The following TANC2 variants were observed in gnomAD, a reference collection of about 807,000 sequenced individuals.
TANC2 encodes protein TANC2.
Under a neutral mutation model 210.5 loss-of-function variants are expected in TANC2, and 26 were observed. The ratio of observed to expected loss-of-function variants is 0.12; its 90% CI spans 0.09 to 0.17. The LOEUF is 0.17. TANC2 is among the 10% of genes least tolerant of loss of function. TANC2 has a pLI of 1.00. For missense variants in TANC2, 2,129 were observed against 2,608.9 expected, an observed-to-expected ratio of 0.82 and a Z score of 4.01; for synonymous variants, 931 against 967.1, an observed-to-expected ratio of 0.96 and a Z score of 0.69.
chr17:63,351,201 C>CATTT (rs1194433607), intron 12 of TANC2, 49 bp from the exon 13 acceptor site: 1 of 1,491,584 alleles, frequency 6.7e-7, no homozygotes, highest in Admixed American at 2.1e-5. Flanking sequence ...AGTAAGAACT[C>CATTT]ATTTATCCAC....
intron 9 of TANC2, among the ~76,000 whole-genome samples, chr17:63,281,435 A>G (rs183521043): frequency 8.5e-5 from 13 of 152,254 alleles, no homozygotes; most frequent in African/African-American, 2.4e-4. Flanking sequence ...CCATATATGT[A>G]TAGAAGAAAT....
intron 9 of TANC2, among the ~76,000 whole-genome samples, chr17:63,275,745 A>G (rs546058892): frequency 6.6e-6 from 1 of 152,144 alleles, no homozygotes; most frequent in Non-Finnish European, 1.5e-5. Flanking sequence ...TCCTATAGTA[A>G]ATATTATATG....
intron 1 of TANC2, among the ~76,000 whole-genome samples, chr17:62,988,317 T>TA (rs2032681108): frequency 6.7e-6 from 1 of 149,944 alleles, no homozygotes; most frequent in African/African-American, 2.5e-5. Flanking sequence ...TTTTTTTTTT[T>TA]AGTAGAGATG....
chr17:63,277,219 T>C (rs1266698724), intron 9 of TANC2, among the ~76,000 whole-genome samples: 1 of 151,618 alleles, frequency 6.6e-6, no homozygotes, highest in Admixed American at 6.6e-5. Context: ...CTTTCCATAT[T>C]CTCCATTCTC....
exon 18 of TANC2, chr17:63,395,780 T>C (rs2048137672): frequency 6.2e-7 from 1 of 1,613,518 alleles, no homozygotes; most frequent in Non-Finnish European, 8.5e-7. Context: ...TGTGCTTTGG[T>C]TCATGCTGCA....
intron 9 of TANC2, among the ~76,000 whole-genome samples, chr17:63,289,862 A>G (rs997066982): frequency 6.6e-6 from 1 of 152,156 alleles, no homozygotes; most frequent in Admixed American, 6.5e-5. Context: ...TCTGTAGTTC[A>G]GTAAGTAGGT....
chr17:63,175,635 G>C (rs2040554251), intron 5 of TANC2, among the ~76,000 whole-genome samples: 1 of 151,172 alleles, frequency 6.6e-6, no homozygotes, highest in African/African-American at 2.4e-5. Context: ...TAGGACATGA[G>C]AAATGTGAGT....
intron 4 of TANC2, among the ~76,000 whole-genome samples, chr17:63,131,623 G>A (rs994089976): frequency 6.6e-6 from 1 of 151,426 alleles, no homozygotes; most frequent in African/African-American, 2.4e-5. Flanking sequence ...CAGTATTAAC[G>A]GATATTTAAG....
At chr17:63,073,513 G>A (rs536685645) in intron 2 of TANC2, among the ~76,000 whole-genome samples, 1 of 151,908 alleles carries the variant, frequency 6.6e-6, no homozygotes, top group Non-Finnish European at 1.5e-5. Context: ...TAAAACATAC[G>A]AATGTAATTC....
intron 6 of TANC2, among the ~76,000 whole-genome samples, chr17:63,199,213 C>T (rs2145786249): frequency 6.6e-6 from 1 of 152,170 alleles, no homozygotes; most frequent in South Asian, 2.1e-4. Context: ...TGAATAGAGA[C>T]TCTATTTGTA....
chr17:62,974,034 T>TA (rs1412121939), intron 1 of TANC2, among the ~76,000 whole-genome samples: 2 of 152,346 alleles, frequency 1.3e-5, no homozygotes, highest in East Asian at 3.9e-4. Flanking sequence ...GCTAGCTCTT[T>TA]AGAGAATAAG....
chr17:63,138,094 C>T (rs548351036), intron 4 of TANC2, among the ~76,000 whole-genome samples: 66 of 152,216 alleles, frequency 4.3e-4, no homozygotes, highest in African/African-American at 1.5e-3. Context: ...TGTTCCAGTT[C>T]CAGACGTTTC....
intron 9 of TANC2, among the ~76,000 whole-genome samples, chr17:63,297,427 A>G (rs1193066518): frequency 6.6e-5 from 10 of 152,176 alleles, no homozygotes; most frequent in Non-Finnish European, 1.5e-5. Context: ...TCTATAGCCA[A>G]TTGCTTTTCA....
At chr17:63,309,927 A>G (rs1396296513) in intron 9 of TANC2, among the ~76,000 whole-genome samples, 3 of 149,764 alleles carry the variant, frequency 2.0e-5, no homozygotes, top group Admixed American at 6.6e-5. Flanking sequence ...CAAATTGGTG[A>G]TAATTTAAAT....
chr17:63,276,918 A>G (rs1038126516), intron 9 of TANC2, among the ~76,000 whole-genome samples: 1 of 152,174 alleles, frequency 6.6e-6, no homozygotes, highest in Non-Finnish European at 1.5e-5. Flanking sequence ...ATAAAAAGCA[A>G]TCGGTAATAC....
intron 7 of TANC2, among the ~76,000 whole-genome samples, chr17:63,212,734 C>T (rs1363697541): frequency 6.6e-6 from 1 of 152,180 alleles, no homozygotes; most frequent in African/African-American, 2.4e-5. Flanking sequence ...GCCCGACCCT[C>T]TTTGCTTTTA....
At chr17:63,252,454 CCT>C (rs756562779) in intron 8 of TANC2, among the ~76,000 whole-genome samples, 5 of 151,728 alleles carry the variant, frequency 3.3e-5, no homozygotes, top group African/African-American at 4.8e-5. Flanking sequence ...TATAGCCCAC[CCT>C]GTTTTGCTGT....
At chr17:63,083,525 C>G (rs1050215390) in intron 3 of TANC2, among the ~76,000 whole-genome samples, 4 of 152,110 alleles carry the variant, frequency 2.6e-5, no homozygotes, top group Admixed American at 2.0e-4. Flanking sequence ...GGGAGGGATT[C>G]TCTTGGAGTT....
Position 63,153,488 on chromosome 17 carries a change from A to G in TANC2, c.433+2108A>G, listed in dbSNP as rs1296330366. 2.6e-5 allele frequency: 4 copies of G among 152,316 alleles called. No homozygotes were observed. In the East Asian group the frequency reaches 7.7e-4, roughly 29 times the overall value. 9.4% of individuals were successfully genotyped at this position (152,316 alleles called of 1,614,324 possible). A position where few individuals can be genotyped will look rare whatever the true frequency, so the allele number is the denominator to read the frequency against. ...TCAAACTTTAACTTACTTCAGAATT[A>G]CCTGGAAGATTTGTCCAAATGCAGA... On this transcript the variant is annotated intron_variant, in intron 5 of 27. Coordinates refer to ENST00000689528, the Ensembl canonical transcript of TANC2.
Sources: gnomAD v4.1 joint callset for allele counts (sites outside exome capture counted in the v4.1 genomes callset) on GRCh38, gnomAD v4.1.1 for gene constraint, MANE v1.5 for transcripts, NCBI Gene and HGNC (gene_info 2026-07-23, HGNC 2026-07-21) for gene names.